The following NAV2 variants were observed in gnomAD, a reference collection of about 807,000 sequenced individuals.
NAV2 encodes the protein helicase, APC down-regulated 1.
NAV2 carries 54 observed loss-of-function variants against 223.2 expected under a neutral mutation model. The observed-to-expected ratio is 0.24, with a 90% CI of 0.19 to 0.30. NAV2 has a LOEUF of 0.30. Among genes scored for constraint, NAV2 ranks in the 10% least tolerant of loss-of-function variants. The pLI is 1.00. For synonymous variants in NAV2, 1,279 were observed against 1,239.3 expected, an observed-to-expected ratio of 1.03 and a Z score of -0.67; for missense variants, 2,806 against 3,147.5, an observed-to-expected ratio of 0.89 and a Z score of 2.60.
At position 20,014,436 on chromosome 11, in the gene NAV2, T is replaced by C. The variant is rs1188423344; in HGVS notation, c.2769-21523T>C. Among the ~76,000 whole-genome samples the C allele has an allele frequency of 2.0e-5, 3 of 152,232 alleles. No individual in the cohort carries two copies. The East Asian group carries it at 5.8e-4, about 29-fold the overall frequency. On this transcript the variant is annotated intron_variant, in intron 11 of 37. Transcript: ENST00000349880. ...GATCCTCAAAGCCCATCATGTTCTT[T>C]TAAATCTCCTTTAATTTTCTGTTTA...
Position 19,933,311 on chromosome 11 carries a change from A to G in NAV2, c.1067A>G (p.Lys356Arg). The G allele has an allele frequency of 6.2e-7, 1 of 1,613,454 alleles. No individual in the cohort carries two copies. Among genetic ancestry groups the G allele is most frequent in the African/African-American group, 1.3e-5 (1 of 75,006 alleles). Residue 356 changes from lysine to arginine, a missense_variant, in exon 7 of 38, where the codon AAG becomes AGG. Transcript: ENST00000349880. This position sits in a 1 kb window ranked among gnomAD's most constrained non-coding sequence, Gnocchi z 4.3. ...SAIPQPGAAT[K>R]PWRSKSLSVK... is the part of the protein sequence containing the mutation. ...ATCCCGCAGCCCGGTGCAGCCACCAAGCCTTGGCGCAGCAAATCCCTCAGC... is the reference window on the plus strand; with the variant it reads ...ATCCCGCAGCCCGGTGCAGCCACCAGGCCTTGGCGCAGCAAATCCCTCAGC...
chr11:19,626,882 T>C (rs2047186767), intron 1 of NAV2, among the ~76,000 whole-genome samples: 1 of 152,220 alleles, frequency 6.6e-6, no homozygotes, highest in Non-Finnish European at 1.5e-5. Flanking sequence ...CTTCTCTGAC[T>C]CTGTTTTCTT....
At chr11:19,949,968 C>T (rs2047250632) in intron 10 of NAV2, among the ~76,000 whole-genome samples, 1 of 152,148 alleles carries the variant, frequency 6.6e-6, no homozygotes, top group Non-Finnish European at 1.5e-5. Flanking sequence ...AGGAACCTTT[C>T]AGGTGGAGCC....
At chr11:19,575,653 A>G (rs2045551368) in intron 1 of NAV2, among the ~76,000 whole-genome samples, 1 of 152,136 alleles carries the variant, frequency 6.6e-6, no homozygotes, top group African/African-American at 2.4e-5. Flanking sequence ...CCATTCTTCT[A>G]GTTTCTCTTT....
At position 20,078,232 on chromosome 11, in the gene NAV2, G is replaced by T. The variant is rs1400150573; in HGVS notation, c.5179+128G>T. 1.1e-5 allele frequency: 8 copies of T among 703,240 alleles called. No individual in the cohort carries two copies. In the African/African-American group the frequency reaches 1.5e-4, roughly 13 times the overall value. 43.6% of individuals were successfully genotyped at this position (703,240 alleles called of 1,614,324 possible). A position where few individuals can be genotyped will look rare whatever the true frequency, so the allele number is the denominator to read the frequency against. On this transcript the variant is annotated intron_variant, in intron 24 of 37. Coordinates refer to ENST00000349880, the MANE Select transcript of NAV2 (RefSeq NM_145117.5). ...CGTAATTCAGCTCCATGTCAGGCAA[G>T]CAGGAACTGGAAGGCAAACACCTTT...
intron 11 of NAV2, among the ~76,000 whole-genome samples, chr11:19,989,902 G>A (rs1347748795): frequency 6.6e-6 from 1 of 152,074 alleles, no homozygotes; most frequent in African/African-American, 2.4e-5. Flanking sequence ...AGCTCTCTTT[G>A]TAGAGATTCC....
chr11:19,914,998 C>T (rs552898553), intron 6 of NAV2, among the ~76,000 whole-genome samples: 7 of 152,270 alleles, frequency 4.6e-5, no homozygotes, highest in African/African-American at 1.7e-4. Flanking sequence ...CCCTTCTCTC[C>T]TCTTTTTATA....
chr11:19,347,622 T>C (rs1371268877), upstream of NAV2, among the ~76,000 whole-genome samples: 1 of 152,168 alleles, frequency 6.6e-6, no homozygotes, highest in Non-Finnish European at 1.5e-5. Flanking sequence ...CCACTCATCT[T>C]ATGGTGCAGT....
intron 1 of NAV2, among the ~76,000 whole-genome samples, chr11:19,495,601 A>G (rs1297523272): frequency 6.6e-6 from 1 of 152,200 alleles, no homozygotes; most frequent in Non-Finnish European, 1.5e-5. Context: ...TTCAGCAAGC[A>G]TTTATTGAGC....
At chr11:19,588,535 T>C (rs1183444953) in intron 1 of NAV2, among the ~76,000 whole-genome samples, 2 of 152,188 alleles carry the variant, frequency 1.3e-5, no homozygotes, top group African/African-American at 4.8e-5. Context: ...CAAAGTCCTG[T>C]GTAACCTGCT....
chr11:20,039,034 A>C (rs909361122), intron 12 of NAV2, among the ~76,000 whole-genome samples: 3 of 152,328 alleles, frequency 2.0e-5, no homozygotes, highest in African/African-American at 7.2e-5. Flanking sequence ...CCAGCTGTCC[A>C]GCATCAGCTC....
chr11:20,074,400 A>G (rs987295305), intron 22 of NAV2, among the ~76,000 whole-genome samples: 3 of 152,212 alleles, frequency 2.0e-5, no homozygotes, highest in South Asian at 2.1e-4. Flanking sequence ...TGAGAAGAAC[A>G]TATTTTCTGT....
At position 20,080,184 on chromosome 11, in the gene NAV2, C is replaced by T. The variant is rs911737025; in HGVS notation, c.5300C>T (p.Ser1767Leu). ...GTGGGCAGCAACATAGAGAGTGACT[C>T]AAAGAAGAAGAAGCGGAAGAACTGG... ...SSVGSNIESD[S>L]KKKKRKNWLR... The change falls in exon 25 of 38, where the codon TCA (serine) becomes TTA (leucine). Residue 1767 changes from serine (S) to leucine (L), a missense_variant. Ser to Leu is a moderately radical substitution (Grantham distance 145). Transcript: ENST00000349880. 2 of 1,613,792 alleles carry T rather than the reference C, an allele frequency of 1.2e-6. No individual in the cohort carries two copies. Among genetic ancestry groups the T allele is most frequent in the African/African-American group, 2.7e-5 (2 of 74,920 alleles).
the NAV2 span, among the ~76,000 whole-genome samples, chr11:19,345,308 G>A: frequency 6.6e-6 from 1 of 152,366 alleles, no homozygotes; most frequent in African/African-American, 2.4e-5. The surrounding 1 kb of genome is among the most constrained non-coding windows in gnomAD (Gnocchi z 5.2). Context: ...CGGTGTGGGC[G>A]CAGGTAGGAA....
chr11:19,612,192 A>G (rs2046665555), intron 1 of NAV2, among the ~76,000 whole-genome samples: 1 of 152,232 alleles, frequency 6.6e-6, no homozygotes, highest in African/African-American at 2.4e-5. Context: ...CCTAGGCTGC[A>G]CACAGCACAG....
At chr11:19,610,092 A>C (rs1351567554) in intron 1 of NAV2, among the ~76,000 whole-genome samples, 1 of 152,182 alleles carries the variant, frequency 6.6e-6, no homozygotes, top group Non-Finnish European at 1.5e-5. Flanking sequence ...AGCAGAAAGA[A>C]TGTTAGAAAG....
At chr11:19,658,347 A>T (rs899775966) in intron 1 of NAV2, among the ~76,000 whole-genome samples, 4 of 152,186 alleles carry the variant, frequency 2.6e-5, no homozygotes, top group African/African-American at 9.6e-5. Context: ...CAATCATCAC[A>T]ACAGCCATGT....
intron 1 of NAV2, among the ~76,000 whole-genome samples, chr11:19,668,532 CAAAA>C (rs762975832): frequency 3.1e-5 from 2 of 64,890 alleles, no homozygotes; most frequent in Non-Finnish European, 5.2e-5. Flanking sequence ...GACTCGGTCT[CAAAA>C]AAAAAAAAAA....
intron 1 of NAV2, among the ~76,000 whole-genome samples, chr11:19,359,499 A>G (rs973499408): frequency 2.6e-5 from 4 of 152,238 alleles, no homozygotes; most frequent in African/African-American, 9.6e-5. Flanking sequence ...TGAATAAATC[A>G]GTGCAAAATA....
Sources: gnomAD v4.1 joint callset for allele counts (sites outside exome capture counted in the v4.1 genomes callset) on GRCh38, gnomAD v4.1.1 for gene constraint, Gnocchi (gnomAD v3.1) non-coding constraint, MANE v1.5 for transcripts, NCBI Gene and HGNC (gene_info 2026-07-23, HGNC 2026-07-21) for gene names.